Variants in RAB30 observed in about 807,000 individuals in gnomAD.
RAB30 encodes RAB30, member RAS oncogene family, also known as ras-related protein Rab-30.
A neutral mutation model predicts 25.1 loss-of-function variants in RAB30; 9 were observed. The ratio of observed to expected loss-of-function variants is 0.36; its 90% CI spans 0.22 to 0.63. The LOEUF is 0.63. RAB30 is among the 20% of genes least tolerant of loss of function. The pLI is 0.69. For synonymous variants in RAB30, 77 were observed against 86.4 expected, an observed-to-expected ratio of 0.89 and a Z score of 0.60; for missense variants, 140 against 243.5, an observed-to-expected ratio of 0.58 and a Z score of 2.83.
intron 1 of RAB30, among the ~76,000 whole-genome samples, chr11:83,055,020 C>A (rs968308169): frequency 6.6e-6 from 1 of 152,194 alleles, no homozygotes; most frequent in Non-Finnish European, 1.5e-5. Flanking sequence ...CAAGAAGAAG[C>A]GTGTGGCTTA....
intron 1 of RAB30, among the ~76,000 whole-genome samples, chr11:83,017,735 T>C (rs969231100): frequency 1.3e-5 from 2 of 152,248 alleles, no homozygotes; most frequent in African/African-American, 4.8e-5. Context: ...CTAAGTAGTA[T>C]ATCATGGTGT....
chr11:83,014,696 GA>G (rs1452604744), intron 1 of RAB30, among the ~76,000 whole-genome samples: 5 of 121,616 alleles, frequency 4.1e-5, no homozygotes, highest in South Asian at 2.9e-4. Flanking sequence ...GAAAGAAAGA[GA>G]AAGGAAGGAA....
chr11:83,043,110 A>G (rs748021437), intron 1 of RAB30, among the ~76,000 whole-genome samples: 1 of 152,232 alleles, frequency 6.6e-6, no homozygotes, highest in Non-Finnish European at 1.5e-5. Context: ...CAAGAGGAGC[A>G]TGTGACTTGC....
In RAB30 at chr11:82,975,192, T is replaced by C. The variant is rs540288199; in HGVS notation, c.*6973A>G. 3.3e-5 allele frequency: 5 copies of C among 152,166 alleles called. No individual in the cohort carries two copies. The highest frequency in any genetic ancestry group is 6.5e-5 in the Admixed American group (1 of 15,272). 9.4% of individuals were successfully genotyped at this position (152,166 alleles called of 1,614,324 possible). On this transcript the variant is annotated 3_prime_UTR_variant, in exon 5 of 5. Transcript: ENST00000527633. ...AAAAAATAAATCAATTAACATTCAT[T>C]GTCAAATAACCTACAAGAAAGTTCC...
intron 1 of RAB30, among the ~76,000 whole-genome samples, chr11:83,014,625 GAAGT>G (rs1308128676): frequency 3.6e-5 from 4 of 111,996 alleles, no homozygotes; most frequent in African/African-American, 9.8e-5. Flanking sequence ...AAGAAAGAAA[GAAGT>G]AAGAAAAAGA....
chr11:83,063,243 G>T (rs1185886108), intron 1 of RAB30, among the ~76,000 whole-genome samples: 3 of 152,134 alleles, frequency 2.0e-5, no homozygotes, highest in Non-Finnish European at 4.4e-5. Context: ...CTGAAATTCA[G>T]AAAAATGAAC....
intron 3 of RAB30, among the ~76,000 whole-genome samples, 175 bp from the exon 4 acceptor site, chr11:82,987,945 T>TA (rs66865945): frequency 6.8e-5 from 8 of 117,044 alleles, no homozygotes; most frequent in Non-Finnish European, 1.3e-4. Flanking sequence ...CACTGAAAAT[T>TA]AAAAAAAAAA....
At chr11:83,002,143 T>C (rs1857100057) in intron 1 of RAB30, among the ~76,000 whole-genome samples, 1 of 152,192 alleles carries the variant, frequency 6.6e-6, no homozygotes, top group African/African-American at 2.4e-5. Flanking sequence ...TGCCTTGTAA[T>C]TGACATTGTC....
chr11:83,035,884 C>T (rs1238871967), intron 1 of RAB30, among the ~76,000 whole-genome samples: 1 of 152,170 alleles, frequency 6.6e-6, no homozygotes, highest in Non-Finnish European at 1.5e-5. Context: ...CACACACACA[C>T]AGGCACAACA....
intron 1 of RAB30, among the ~76,000 whole-genome samples, chr11:83,032,480 T>C (rs922140246): frequency 2.0e-5 from 3 of 152,324 alleles, no homozygotes; most frequent in East Asian, 3.9e-4. Context: ...ATAAATTGGA[T>C]GGCAAATTCA....
At chr11:82,995,123 A>G (rs2121458869) in intron 2 of RAB30, among the ~76,000 whole-genome samples, 1 of 152,328 alleles carries the variant, frequency 6.6e-6, no homozygotes, top group Middle Eastern at 3.4e-3. Flanking sequence ...CTCTTCACCC[A>G]GTTTCTCTTC....
At chr11:83,036,523 C>A (rs1167856955) in intron 1 of RAB30, among the ~76,000 whole-genome samples, 1 of 152,154 alleles carries the variant, frequency 6.6e-6, no homozygotes, top group Non-Finnish European at 1.5e-5. Flanking sequence ...TGAGTCCATT[C>A]ATTTATTCCT....
intron 1 of RAB30, among the ~76,000 whole-genome samples, chr11:83,055,689 T>C (rs910173955): frequency 1.3e-5 from 2 of 152,254 alleles, no homozygotes; most frequent in Admixed American, 6.5e-5. Flanking sequence ...GTGGGAACTT[T>C]AGGAGGTAAT....
intron 1 of RAB30, among the ~76,000 whole-genome samples, chr11:83,059,861 C>T (rs115688761): frequency 0.01 from 1,528 of 152,232 alleles, 17 homozygotes; most frequent in Middle Eastern, 0.044. Context: ...TAGATTATAA[C>T]ACATTGTGAG....
chr11:82,987,635 G>A lies in RAB30; in HGVS notation c.313C>T (p.Arg105Trp), dbSNP rs1424524874. The change falls in exon 4 of 5, where the codon CGG becomes TGG. Residue 105 changes from arginine to tryptophan, a missense_variant. Transcript: ENST00000527633. ...ESFRCLPEWL[R>W]EIEQYASNKV... is the part of the protein sequence containing the mutation. ...TTGCTGGCATATTGTTCTATCTCCCGCAGCCACTCAGGAAGGCAACGGAAG... is the reference window on the plus strand; with the variant it reads ...TTGCTGGCATATTGTTCTATCTCCCACAGCCACTCAGGAAGGCAACGGAAG... 5 of 1,613,264 alleles carry A rather than the reference G, an allele frequency of 3.1e-6. No individual in the cohort carries two copies. The highest frequency in any genetic ancestry group is 1.3e-5 in the African/African-American group (1 of 74,770).
chr11:83,001,555 C>T (rs891074891), intron 1 of RAB30, among the ~76,000 whole-genome samples: 1 of 152,168 alleles, frequency 6.6e-6, no homozygotes, highest in Admixed American at 6.5e-5. Flanking sequence ...TAAAGCTGGA[C>T]TGTAAACTCC....
chr11:83,024,699 G>A (rs567924006), intron 1 of RAB30, among the ~76,000 whole-genome samples: 1 of 152,322 alleles, frequency 6.6e-6, no homozygotes, highest in East Asian at 1.9e-4. Context: ...CTAAGAGGCT[G>A]TTTCCAGAAT....
At chr11:83,066,557 T>C (rs1012070018) in intron 1 of RAB30, among the ~76,000 whole-genome samples, 1 of 152,156 alleles carries the variant, frequency 6.6e-6, no homozygotes, top group African/African-American at 2.4e-5. Context: ...CAAGAATACT[T>C]TTTTTTGTTT....
At chr11:83,035,781 T>C (rs1295352196) in intron 1 of RAB30, 1 of 152,192 alleles carries the variant, frequency 6.6e-6, no homozygotes, top group Non-Finnish European at 1.5e-5. Flanking sequence ...TCAGATCGAG[T>C]ATCACTCAGT....
Sources: gnomAD v4.1 joint callset for allele counts (sites outside exome capture counted in the v4.1 genomes callset) on GRCh38, gnomAD v4.1.1 for gene constraint, MANE v1.5 for transcripts, NCBI Gene and HGNC (gene_info 2026-07-23, HGNC 2026-07-21) for gene names.